Variants in NCKAP5 observed in about 807,000 individuals in gnomAD.
NCKAP5 encodes the protein NCK associated protein 5.
NCKAP5 carries 92 observed loss-of-function variants against 167.0 expected under a neutral mutation model. That is an observed-to-expected ratio of 0.55 (90% CI 0.47 to 0.66). The LOEUF (loss-of-function observed/expected upper bound fraction) is 0.66, where lower values mean the gene tolerates loss of function less well. NCKAP5 is among the 30% of genes least tolerant of loss of function. The pLI is 0.00. For synonymous variants in NCKAP5, 891 were observed against 877.4 expected (o/e 1.02, Z -0.27); for missense variants, 2,378 against 2,315.0 (o/e 1.03, Z -0.56).
At chr2:133,515,470 A>G (rs1358219764) in intron 3 of NCKAP5, among the ~76,000 whole-genome samples, 1 of 152,188 alleles carries the variant, frequency 6.6e-6, no homozygotes, top group East Asian at 1.9e-4. Context: ...CACTAGTGTA[A>G]AAGCTCTCCT....
chr2:132,918,090 G>A (rs531974415), intron 8 of NCKAP5, among the ~76,000 whole-genome samples: 1 of 152,188 alleles, frequency 6.6e-6, no homozygotes, highest in East Asian at 1.9e-4. Context: ...GGACTATAAT[G>A]GGCTCCTTAA....
At chr2:132,765,194 T>C (rs1261478838) in intron 16 of NCKAP5, among the ~76,000 whole-genome samples, 1 of 152,150 alleles carries the variant, frequency 6.6e-6, no homozygotes, top group Non-Finnish European at 1.5e-5. Context: ...TAACTGCACA[T>C]AGAGCAGTGA....
intron 4 of NCKAP5, among the ~76,000 whole-genome samples, chr2:133,268,720 G>A (rs926805075): frequency 4.6e-5 from 7 of 151,926 alleles, no homozygotes; most frequent in African/African-American, 1.2e-4. Context: ...TCCGCCCGCC[G>A]CGGCCTCCAA....
At chr2:132,686,349 C>G (rs1020719402) in intron 19 of NCKAP5, among the ~76,000 whole-genome samples, 2 of 152,190 alleles carry the variant, frequency 1.3e-5, no homozygotes, top group Non-Finnish European at 2.9e-5. Context: ...CCAACACCCT[C>G]TTATCACTTG....
chr2:133,507,113 C>G (rs1361170353), intron 3 of NCKAP5, among the ~76,000 whole-genome samples: 1 of 152,206 alleles, frequency 6.6e-6, no homozygotes, highest in African/African-American at 2.4e-5. Flanking sequence ...CTGGCCTCAT[C>G]CCAGTCTGTC....
chr2:132,869,363 C>G (rs1016820340), intron 9 of NCKAP5, among the ~76,000 whole-genome samples: 1 of 152,184 alleles, frequency 6.6e-6, no homozygotes, highest in African/African-American at 2.4e-5. Context: ...CTTTGCCTGT[C>G]CTTCCTATTC....
chr2:132,838,666 C>A (rs1688075804), intron 11 of NCKAP5, among the ~76,000 whole-genome samples: 1 of 151,966 alleles, frequency 6.6e-6, no homozygotes. Context: ...TAAATAAAAT[C>A]ACTCATCTGC....
the NCKAP5 span, among the ~76,000 whole-genome samples, chr2:133,600,396 A>G: frequency 0.16 from 24,949 of 152,156 alleles, 2,152 homozygotes; most frequent in East Asian, 0.3. Context: ...TCTAGGGAAA[A>G]AAAAGAAAAA....
intron 6 of NCKAP5, among the ~76,000 whole-genome samples, chr2:133,084,255 A>G (rs1267736500): frequency 6.6e-6 from 1 of 152,120 alleles, no homozygotes; most frequent in African/African-American, 2.4e-5. Context: ...AGAAAATGAA[A>G]CAGATCTGGA....
At chr2:133,607,440 C>T in the NCKAP5 span, among the ~76,000 whole-genome samples, 1 of 152,066 alleles carries the variant, frequency 6.6e-6, no homozygotes, top group Non-Finnish European at 1.5e-5. Flanking sequence ...GTCACCCATC[C>T]CTGCTCTGTT....
the NCKAP5 span, among the ~76,000 whole-genome samples, chr2:133,647,418 A>T: frequency 8.2e-5 from 10 of 121,996 alleles, no homozygotes; most frequent in Non-Finnish European, 1.5e-4. Context: ...GAAGGAAGGA[A>T]GAGAAAGAAA....
At chr2:132,873,672 A>G (rs150476607) in intron 9 of NCKAP5, among the ~76,000 whole-genome samples, 1 of 152,262 alleles carries the variant, frequency 6.6e-6, no homozygotes, top group Non-Finnish European at 1.5e-5. Flanking sequence ...TCCAAAGCCC[A>G]TGAAGTTCTC....
chr2:133,276,572 A>T (rs6430406), intron 4 of NCKAP5, among the ~76,000 whole-genome samples: 48,791 of 151,848 alleles, frequency 0.32, 7,972 homozygotes, highest in Middle Eastern at 0.34. Flanking sequence ...GAAAAAAAAA[A>T]ATACCACCCC....
chr2:132,860,379 G>A (rs961820526), intron 11 of NCKAP5, 113 bp downstream of exon 11: 1 of 1,190,340 alleles, frequency 8.4e-7, no homozygotes. Flanking sequence ...GAAAGAATTG[G>A]GATTCTGATG....
the NCKAP5 span, among the ~76,000 whole-genome samples, chr2:133,602,482 G>C: frequency 1.3e-5 from 2 of 152,168 alleles, no homozygotes. Context: ...GTGGCTGATA[G>C]AAAGCCCTGG....
chr2:133,115,775 G>GTATATATATATATATATATATA (rs10683280), intron 6 of NCKAP5, among the ~76,000 whole-genome samples: 2 of 94,272 alleles, frequency 2.1e-5, no homozygotes, highest in Non-Finnish European at 4.4e-5. Context: ...ATGTGTGTGT[G>GTATATATATATATATATATATA]TATATATATA....
At chr2:133,073,973 A>T (rs2080509963) in intron 6 of NCKAP5, among the ~76,000 whole-genome samples, 1 of 152,182 alleles carries the variant, frequency 6.6e-6, no homozygotes, top group Admixed American at 6.5e-5. Flanking sequence ...GGCACTCACC[A>T]ATGAGAGCTC....
At chr2:132,738,889 C>T (rs951000461) in intron 16 of NCKAP5, among the ~76,000 whole-genome samples, 1 of 151,988 alleles carries the variant, frequency 6.6e-6, no homozygotes, top group African/African-American at 2.4e-5. Context: ...AAGGAGGGCA[C>T]CAAGCCATTC....
chr2:132,835,560 T>G (rs1687831037), intron 11 of NCKAP5, among the ~76,000 whole-genome samples: 1 of 152,140 alleles, frequency 6.6e-6, no homozygotes, highest in South Asian at 2.1e-4. Context: ...TTTTACTTTT[T>G]TTTTTTCCTT....
Sources: allele counts gnomAD v4.1 joint callset (sites outside exome capture counted in the v4.1 genomes callset), GRCh38; gene constraint gnomAD v4.1.1; transcripts MANE v1.5; gene names NCBI Gene and HGNC (gene_info 2026-07-23, HGNC 2026-07-21).